The following MYOZ2 variants were observed in gnomAD, a reference collection of about 807,000 sequenced individuals.
MYOZ2 encodes myozenin 2.
In MYOZ2, 19 loss-of-function variants were observed where a neutral mutation model predicts 25.4. The ratio of observed to expected loss-of-function variants is 0.75; its 90% CI spans 0.52 to 1.10. MYOZ2 has a LOEUF of 1.10. Ranked by LOEUF, MYOZ2 falls within the 50% of genes least tolerant of loss-of-function variation. MYOZ2 has a pLI of 0.00. For missense variants in MYOZ2, 270 were observed against 317.9 expected (o/e 0.85, Z 1.15); for synonymous variants, 92 against 106.9 (o/e 0.86, Z 0.86).
At chr4:119,140,021 T>C (rs1316291996) in intron 2 of MYOZ2, among the ~76,000 whole-genome samples, 2 of 152,120 alleles carry the variant, frequency 1.3e-5, no homozygotes, top group African/African-American at 2.4e-5. Flanking sequence ...TGGAGTGCTG[T>C]TGTTAATGTG....
chr4:119,175,976 G>A (rs17049989), intron 5 of MYOZ2, among the ~76,000 whole-genome samples: 29 of 152,078 alleles, frequency 1.9e-4, no homozygotes, highest in Admixed American at 1.9e-3. Context: ...GAAGCAATGT[G>A]TTCTGACCCG....
intron 5 of MYOZ2, among the ~76,000 whole-genome samples, chr4:119,166,223 A>G (rs1447505509): frequency 6.6e-6 from 1 of 152,172 alleles, no homozygotes; most frequent in African/African-American, 2.4e-5. Flanking sequence ...AAAACATGAT[A>G]TGATACATAG....
rs540378274 is a variant in MYOZ2, at chr4:119,156,040, C to T, written c.247-1982C>T. On this transcript the variant is annotated intron_variant, in intron 3 of 5. Coordinates refer to ENST00000307128, the MANE Select transcript of MYOZ2 (RefSeq NM_016599.5). Reference sequence around the variant, plus strand: ...TGGGCAAAATGAAATTCCCTGTTCTCAAGTAGCTAACAAGCTAGTAAATGA... The same window carrying T: ...TGGGCAAAATGAAATTCCCTGTTCTTAAGTAGCTAACAAGCTAGTAAATGA... Among the ~76,000 whole-genome samples, 60 of 152,064 alleles carry T rather than the reference C, an allele frequency of 3.9e-4. No individual in the cohort carries two copies. In the South Asian group the frequency reaches 7.3e-3, roughly 18 times the overall value.
chr4:119,148,680 T>TA (rs1319925393), intron 2 of MYOZ2, among the ~76,000 whole-genome samples: 2 of 150,578 alleles, frequency 1.3e-5, no homozygotes, highest in Non-Finnish European at 3.0e-5. Context: ...TTTTGAGTTC[T>TA]AAAATTTTTG....
chr4:119,147,755 A>AAAATAAAT (rs1553957921), intron 2 of MYOZ2, among the ~76,000 whole-genome samples: 1 of 150,516 alleles, frequency 6.6e-6, no homozygotes, highest in East Asian at 2.0e-4. Context: ...AAAAAAAAAA[A>AAAATAAAT]AATCTACTTT....
chr4:119,178,484 C>T (rs1184591204), intron 5 of MYOZ2, among the ~76,000 whole-genome samples: 1 of 152,134 alleles, frequency 6.6e-6, no homozygotes, highest in Non-Finnish European at 1.5e-5. Flanking sequence ...TCCAATCTGC[C>T]CCATCTCAGT....
intron 2 of MYOZ2, among the ~76,000 whole-genome samples, chr4:119,144,666 T>C (rs1210399886): frequency 2.0e-5 from 3 of 152,342 alleles, no homozygotes; most frequent in Middle Eastern, 3.4e-3. Flanking sequence ...GATATATCAT[T>C]GTGATTTTAA....
intron 5 of MYOZ2, among the ~76,000 whole-genome samples, chr4:119,174,909 A>T (rs1235913581): frequency 2.0e-5 from 3 of 152,190 alleles, no homozygotes; most frequent in Non-Finnish European, 2.9e-5. Flanking sequence ...GCCCACCAGG[A>T]GGAACGAACA....
intron 4 of MYOZ2, among the ~76,000 whole-genome samples, chr4:119,158,628 A>G (rs1408699313): frequency 6.6e-6 from 1 of 152,182 alleles, no homozygotes; most frequent in Non-Finnish European, 1.5e-5. Context: ...CACATAAAAC[A>G]TTTATAGTAG....
At chr4:119,167,635 A>G (rs1741850712) in intron 5 of MYOZ2, among the ~76,000 whole-genome samples, 1 of 152,226 alleles carries the variant, frequency 6.6e-6, no homozygotes, top group Non-Finnish European at 1.5e-5. Context: ...GAGAGAAGTC[A>G]ATGCTTGGCT....
chr4:119,147,282 T>C (rs1422953119), intron 2 of MYOZ2, among the ~76,000 whole-genome samples: 2 of 152,170 alleles, frequency 1.3e-5, no homozygotes, highest in Admixed American at 6.5e-5. Flanking sequence ...CCTGTTTTTT[T>C]TTTCTGCCTT....
intron 2 of MYOZ2, among the ~76,000 whole-genome samples, chr4:119,144,280 C>G (rs1344455877): frequency 1.3e-5 from 2 of 152,168 alleles, no homozygotes; most frequent in Non-Finnish European, 2.9e-5. Context: ...TCACCCGGGT[C>G]TTGTTCTCAA....
At chr4:119,143,788 C>T (rs749371221) in intron 2 of MYOZ2, among the ~76,000 whole-genome samples, 2 of 152,178 alleles carry the variant, frequency 1.3e-5, no homozygotes, top group African/African-American at 4.8e-5. Context: ...TGTCAAATAG[C>T]TGGAATCATA....
At chr4:119,154,892 A>ACACACACACACACACACAC (rs58689464) in intron 3 of MYOZ2, among the ~76,000 whole-genome samples, 1 of 148,404 alleles carries the variant, frequency 6.7e-6, no homozygotes, top group Admixed American at 6.7e-5. Flanking sequence ...CACACACACA[A>ACACACACACACACACACAC]TGCCTTTCTT....
intron 2 of MYOZ2, among the ~76,000 whole-genome samples, chr4:119,137,610 G>A (rs571106802): frequency 5.5e-4 from 84 of 152,180 alleles, no homozygotes; most frequent in African/African-American, 1.7e-3. Context: ...TGCTCCCCAC[G>A]CAATGTAATC....
intron 5 of MYOZ2, among the ~76,000 whole-genome samples, chr4:119,171,226 C>T (rs1165271110): frequency 1.3e-5 from 2 of 151,838 alleles, no homozygotes; most frequent in Non-Finnish European, 2.9e-5. Context: ...ATGATTATGT[C>T]CATAGAAAAT....
At chr4:119,153,833 T>C (rs1292719838) in intron 3 of MYOZ2, among the ~76,000 whole-genome samples, 1 of 152,122 alleles carries the variant, frequency 6.6e-6, no homozygotes, top group African/African-American at 2.4e-5. Context: ...AGTAAATATG[T>C]GTTCCTAAAA....
At chr4:119,136,486 C>T (rs759847769) in intron 1 of MYOZ2, 26 bp from the exon 2 acceptor site, 3 of 1,582,182 alleles carry the variant, frequency 1.9e-6, no homozygotes, top group Non-Finnish European at 2.6e-6. Context: ...CACATTGCCT[C>T]AATAATGTCC....
intron 2 of MYOZ2, among the ~76,000 whole-genome samples, chr4:119,149,365 C>T (rs1741393250): frequency 1.3e-5 from 2 of 152,214 alleles, no homozygotes; most frequent in Non-Finnish European, 2.9e-5. Context: ...CTGGGCTCCC[C>T]ACAAGATCTT....
Sources: gnomAD v4.1 joint callset for allele counts (sites outside exome capture counted in the v4.1 genomes callset) on GRCh38, gnomAD v4.1.1 for gene constraint, MANE v1.5 for transcripts, NCBI Gene and HGNC (gene_info 2026-07-23, HGNC 2026-07-21) for gene names.